The following HLCS variants were observed in gnomAD, a reference collection of about 807,000 sequenced individuals.
HLCS encodes the protein biotin--protein ligase.
Under a neutral mutation model 75.0 loss-of-function variants are expected in HLCS, and 53 were observed. The ratio of observed to expected loss-of-function variants is 0.71; its 90% confidence interval spans 0.57 to 0.89. The LOEUF is 0.89. HLCS is among the 40% of genes least tolerant of loss of function. The pLI is 0.00. For missense variants in HLCS, 966 were observed against 1,074.0 expected (o/e 0.90, Z 1.41); for synonymous variants, 431 against 428.6 (o/e 1.01, Z -0.07).
chr21:36,973,024 T>C (rs1194634719), intron 1 of HLCS, among the ~76,000 whole-genome samples: 2 of 151,366 alleles, frequency 1.3e-5, no homozygotes, highest in Non-Finnish European at 2.9e-5. Context: ...ATGACCAGCG[T>C]GGGCAACACA....
At chr21:36,790,589 G>T (rs1452378841) in intron 6 of HLCS, among the ~76,000 whole-genome samples, 1 of 152,184 alleles carries the variant, frequency 6.6e-6, no homozygotes, top group African/African-American at 2.4e-5. Flanking sequence ...TTCTGTATCT[G>T]GCTGCCTTTC....
intron 8 of HLCS, among the ~76,000 whole-genome samples, chr21:36,763,048 C>T (rs1422288978): frequency 6.6e-6 from 1 of 152,026 alleles, no homozygotes; most frequent in South Asian, 2.1e-4. Context: ...TTTTTTGATA[C>T]GAGTCTCACT....
intron 6 of HLCS, among the ~76,000 whole-genome samples, chr21:36,864,443 T>C (rs1488713937): frequency 3.3e-5 from 5 of 152,050 alleles, no homozygotes; most frequent in Admixed American, 2.6e-4. Flanking sequence ...AGTCAAAAAT[T>C]TGCATTCCCT....
At chr21:36,759,608 AG>A in intron 9 of HLCS, 118 bp downstream of exon 9, 1 of 706,990 alleles carries the variant, frequency 1.4e-6, no homozygotes, top group Non-Finnish European at 2.6e-6. Flanking sequence ...CAAAACTACA[AG>A]ACTCAAAGTA....
Position 36,754,268 on chromosome 21 carries a change from A to G in HLCS, c.2600T>C (p.Leu867Pro). The G allele has an allele frequency of 1.2e-6, 2 of 1,614,106 alleles. No individual in the cohort carries two copies. The highest frequency in any genetic ancestry group is 2.2e-5 in the South Asian group (2 of 91,060). Residue 867 changes from leucine (L) to proline (P), a missense_variant, in exon 11 of 11, where the codon CTC (leucine) becomes CCC (proline). Transcript: ENST00000674895. The part of the protein sequence containing the change: ...DGNSFDMLRN[L>P]ILPKRR Reference sequence around the variant, plus strand: ...GCATTACCGCCGTTTGGGGAGGATGAGGTTTCTCAGCATGTCGAAGGAGTT... The same window carrying G: ...GCATTACCGCCGTTTGGGGAGGATGGGGTTTCTCAGCATGTCGAAGGAGTT...
At position 36,818,789 on chromosome 21, in the gene HLCS, T is replaced by C. The variant is rs545425629; in HGVS notation, c.1893-51504A>G. Among the ~76,000 whole-genome samples the C allele has an allele frequency of 3.9e-5, 6 of 152,312 alleles. No homozygotes were observed. In the South Asian group the frequency reaches 1.2e-3, roughly 32 times the overall value. Reference sequence around the variant, plus strand: ...ACTCAATTAAGAGATAATTTAGCCATTTATCAAGATGGAGTCGGGGCTGAG... The same window carrying C: ...ACTCAATTAAGAGATAATTTAGCCACTTATCAAGATGGAGTCGGGGCTGAG... On this transcript the variant is annotated intron_variant, in intron 6 of 10. Transcript: ENST00000674895.
rs1381305615 is a variant in HLCS, at chr21:36,752,451, T to C, written c.*1795A>G. On this transcript the variant is annotated 3_prime_UTR_variant, in exon 11 of 11. Transcript: ENST00000674895. ...GCTCTGAGAGAGGGCTTGCCTTATATTACAAAGTCTGAGAAATGAAACCTA... is the reference window on the plus strand; with the variant it reads ...GCTCTGAGAGAGGGCTTGCCTTATACTACAAAGTCTGAGAAATGAAACCTA... 1.3e-5 allele frequency: 2 copies of C among 152,568 alleles called. No individual in the cohort carries two copies. The highest frequency in any genetic ancestry group is 2.9e-5 in the Non-Finnish European group (2 of 68,048). 9.5% of individuals were successfully genotyped at this position (152,568 alleles called of 1,614,324 possible).
In HLCS at chr21:36,820,365, CCACGGCCGGGCCGCCGA is replaced by C. The variant is rs529879314; in HGVS notation, c.1893-53097_1893-53081del. ...CCCAGGCGCAGCTGCTGCTGCCCAG[CCACGGCCGGGCCGCCGA>C]CTGGGATTCCTCGCGCTGTCAGAGG... On this transcript the variant is annotated intron_variant, in intron 6 of 10. Transcript: ENST00000674895. Among the ~76,000 whole-genome samples, 53 of 151,846 alleles carry C rather than the reference CCACGGCCGGGCCGCCGA, an allele frequency of 3.5e-4. 2 individuals carry two copies. The South Asian group carries it at 0.011, about 30-fold the overall frequency.
intron 2 of HLCS, among the ~76,000 whole-genome samples, chr21:36,952,267 C>T (rs1368456396): frequency 6.6e-6 from 1 of 152,158 alleles, no homozygotes; most frequent in Non-Finnish European, 1.5e-5. Context: ...GAACTGTCAA[C>T]TTGGCTAGAA....
Position 36,930,701 on chromosome 21 carries a change from C to T in HLCS, c.1438-268G>A, listed in dbSNP as rs552526451. 3.3e-5 allele frequency among the ~76,000 whole-genome samples: 5 copies of T among 152,252 alleles called. No individual in the cohort carries two copies. The East Asian group carries it at 5.8e-4, about 18-fold the overall frequency. On this transcript the variant is annotated intron_variant, in intron 4 of 10. Coordinates refer to ENST00000674895, the MANE Select transcript of HLCS (RefSeq NM_001352514.2). ...GTGAGCACATCACACCCAGATAGCT[C>T]ATAGCTTTGCTCTCCTCTGAAAATT...
intron 6 of HLCS, among the ~76,000 whole-genome samples, chr21:36,881,892 A>C (rs972418160): frequency 1.3e-5 from 2 of 152,148 alleles, no homozygotes; most frequent in African/African-American, 4.8e-5. Context: ...AATCCCAGCT[A>C]CTAGGGAGGC....
chr21:36,936,731 A>T lies in HLCS; in HGVS notation c.1155T>A (p.Ser385=). The T allele has an allele frequency of 6.2e-7, 1 of 1,614,230 alleles. No individual in the cohort carries two copies. Among genetic ancestry groups the T allele is most frequent in the Non-Finnish European group, 8.5e-7 (1 of 1,180,044 alleles). ...ACAGGCCCAACACCTTCCCTCCCTGAGAAAGATAGGCCATGAACTTCTGGT... is the reference window on the plus strand; with the variant it reads ...ACAGGCCCAACACCTTCCCTCCCTGTGAAAGATAGGCCATGAACTTCTGGT... ...DLYQKFMAYL[S]QGGKVLGLSS... The change falls in exon 4 of 11, where the codon TCT becomes TCA. Residue 385 remains serine (S), a synonymous_variant. Transcript: ENST00000674895.
intron 6 of HLCS, among the ~76,000 whole-genome samples, chr21:36,858,230 TC>T (rs1380964679): frequency 6.6e-6 from 1 of 152,238 alleles, no homozygotes; most frequent in African/African-American, 2.4e-5. Context: ...ATCCACTTTA[TC>T]CTCTCCTCCT....
intron 10 of HLCS, among the ~76,000 whole-genome samples, chr21:36,755,697 T>C (rs751477787): frequency 2.0e-5 from 3 of 152,242 alleles, no homozygotes; most frequent in Non-Finnish European, 4.4e-5. Flanking sequence ...TTTGGTCTAA[T>C]TGTTTGTGCG....
At chr21:36,859,026 TTTTTG>T (rs1266695904) in intron 6 of HLCS, among the ~76,000 whole-genome samples, 1 of 152,048 alleles carries the variant, frequency 6.6e-6, no homozygotes. Flanking sequence ...AGTTTTTTGT[TTTTTG>T]TTTTGTTTTG....
intron 6 of HLCS, among the ~76,000 whole-genome samples, chr21:36,790,131 C>T (rs759033915): frequency 2.6e-5 from 4 of 152,202 alleles, no homozygotes; most frequent in Non-Finnish European, 4.4e-5. Context: ...TTGGGCCTGG[C>T]GCAGTGGCTC....
chr21:36,830,639 G>C (rs2062171718), intron 6 of HLCS, among the ~76,000 whole-genome samples: 1 of 151,924 alleles, frequency 6.6e-6, no homozygotes, highest in Non-Finnish European at 1.5e-5. Flanking sequence ...TTCGAGACCA[G>C]CCTGGGCAAC....
intron 6 of HLCS, among the ~76,000 whole-genome samples, chr21:36,812,222 T>C (rs924737932): frequency 6.6e-6 from 1 of 152,198 alleles, no homozygotes; most frequent in African/African-American, 2.4e-5. Context: ...CTGTATCAAA[T>C]CTTCTCTCTC....
intron 5 of HLCS, among the ~76,000 whole-genome samples, chr21:36,920,705 C>T (rs1461697626): frequency 6.6e-6 from 1 of 152,042 alleles, no homozygotes; most frequent in East Asian, 1.9e-4. Context: ...CCAAGAAAAA[C>T]TCATTTGGCC....
Sources: allele counts gnomAD v4.1 joint callset (sites outside exome capture counted in the v4.1 genomes callset), GRCh38; gene constraint gnomAD v4.1.1; transcripts MANE v1.5; gene names NCBI Gene and HGNC (gene_info 2026-07-23, HGNC 2026-07-21).